CEP112: variants seen among roughly 807,000 people sequenced by gnomAD.
CEP112 encodes centrosomal protein 112.
A neutral mutation model predicts 153.0 loss-of-function variants in CEP112; 127 were observed. The observed-to-expected ratio is 0.83, with a 90% CI of 0.72 to 0.96. CEP112 has a LOEUF of 0.96. Among genes scored for constraint, CEP112 ranks in the 40% least tolerant of loss-of-function variants. The pLI, the probability that CEP112 is intolerant of heterozygous loss-of-function variation, is 0.00. For missense variants in CEP112, 1,089 were observed against 1,101.2 expected (o/e 0.99, Z 0.16); for synonymous variants, 358 against 374.4 (o/e 0.96, Z 0.51).
intron 21 of CEP112, among the ~76,000 whole-genome samples, chr17:65,839,510 A>G (rs1308090670): frequency 6.6e-6 from 1 of 152,020 alleles, no homozygotes; most frequent in African/African-American, 2.4e-5. Flanking sequence ...TATAGTAGAA[A>G]CACTTCACAA....
chr17:66,159,157 TCAAAACCCTGAATAGAC>T (rs1234496062), intron 4 of CEP112, among the ~76,000 whole-genome samples: 4 of 152,026 alleles, frequency 2.6e-5, no homozygotes, highest in African/African-American at 9.7e-5. Context: ...CAGGAAGAAG[TCAAAACCCTGAATAGAC>T]CAATAACAAG....
intron 24 of CEP112, among the ~76,000 whole-genome samples, chr17:65,660,037 G>A (rs1330909239): frequency 6.6e-6 from 1 of 152,190 alleles, no homozygotes; most frequent in African/African-American, 2.4e-5. Flanking sequence ...AGGTCATGGG[G>A]TGGGCAGGGG....
chr17:66,077,069 A>C (rs1805677520), intron 8 of CEP112, among the ~76,000 whole-genome samples: 2 of 152,200 alleles, frequency 1.3e-5, no homozygotes. Flanking sequence ...CTTCAGTCCT[A>C]GACTTTTCTC....
chr17:65,659,793 C>T (rs931257875), intron 24 of CEP112, among the ~76,000 whole-genome samples: 4 of 152,124 alleles, frequency 2.6e-5, no homozygotes, highest in African/African-American at 9.7e-5. Flanking sequence ...TTCAGAAATA[C>T]ATAACTGACA....
intron 22 of CEP112, among the ~76,000 whole-genome samples, chr17:65,747,341 G>A (rs2051534470): frequency 6.6e-6 from 1 of 152,172 alleles, no homozygotes; most frequent in Admixed American, 6.5e-5. Flanking sequence ...ATATTCCCAG[G>A]TACTAATATG....
At chr17:65,910,382 AG>A (rs1432930397) in intron 19 of CEP112, among the ~76,000 whole-genome samples, 19 of 152,216 alleles carry the variant, frequency 1.2e-4, no homozygotes, top group African/African-American at 4.3e-4. Flanking sequence ...AAGATGAGGG[AG>A]AAAAGTATCT....
At chr17:65,706,072 CAGG>C (rs1419098496) in intron 23 of CEP112, among the ~76,000 whole-genome samples, 1 of 152,180 alleles carries the variant, frequency 6.6e-6, no homozygotes, top group African/African-American at 2.4e-5. Flanking sequence ...GACAAGCACA[CAGG>C]AGTTCATAGT....
intron 17 of CEP112, among the ~76,000 whole-genome samples, chr17:65,998,448 C>T (rs1293935120): frequency 1.5e-5 from 2 of 137,420 alleles, no homozygotes; most frequent in Non-Finnish European, 3.1e-5. Flanking sequence ...TTACAAAACA[C>T]AGAACTCTGT....
At chr17:65,971,273 CAGCACATGCACATAACA>C (rs2062777707) in intron 17 of CEP112, among the ~76,000 whole-genome samples, 3 of 152,170 alleles carry the variant, frequency 2.0e-5, no homozygotes, top group Non-Finnish European at 4.4e-5. Context: ...CACACATGTA[CAGCACATGCACATAACA>C]AATATGCACG....
chr17:65,819,888 GAAC>G (rs1289372166), intron 21 of CEP112, among the ~76,000 whole-genome samples: 1 of 151,976 alleles, frequency 6.6e-6, no homozygotes, highest in Non-Finnish European at 1.5e-5. Context: ...TTGGGTCCTA[GAAC>G]AACAAGAAGG....
intron 12 of CEP112, among the ~76,000 whole-genome samples, chr17:66,039,338 A>G (rs1024619802): frequency 3.3e-5 from 5 of 152,166 alleles, no homozygotes; most frequent in Non-Finnish European, 7.4e-5. Flanking sequence ...AAAATTAAAA[A>G]GGGTTAGTAT....
At chr17:66,095,270 T>A (rs987697458) in intron 8 of CEP112, among the ~76,000 whole-genome samples, 106 of 151,792 alleles carry the variant, frequency 7.0e-4, no homozygotes, top group African/African-American at 2.5e-3. Context: ...ATGAAAAAAA[T>A]GTGATATATA....
rs1044372101 is a variant in CEP112 at position 66,099,745 on chromosome 17, T to C, written c.643-3113A>G. Among the ~76,000 whole-genome samples the C allele has an allele frequency of 3.3e-5, 5 of 152,182 alleles. No individual in the cohort carries two copies. The East Asian group carries it at 7.7e-4, about 24-fold the overall frequency. On this transcript the variant is annotated intron_variant, in intron 6 of 26. Coordinates refer to ENST00000535342, the MANE Select transcript of CEP112 (RefSeq NM_001199165.4). Reference sequence around the variant, plus strand: ...ATCCAATATCCACAAAAACTTACTATATAAAATAGAAGACCAAAATCAAAA... The same window carrying C: ...ATCCAATATCCACAAAAACTTACTACATAAAATAGAAGACCAAAATCAAAA...
chr17:66,140,054 T>C (rs1335925237), intron 4 of CEP112, among the ~76,000 whole-genome samples: 1 of 152,134 alleles, frequency 6.6e-6, no homozygotes, highest in Non-Finnish European at 1.5e-5. Context: ...CTGAATTCCA[T>C]GGCACATTAA....
At chr17:65,826,538 G>A in intron 21 of CEP112, 5 of 1,343,974 alleles carry the variant, frequency 3.7e-6, no homozygotes, top group Non-Finnish European at 3.8e-6. Context: ...CCTGATGTCA[G>A]CTAATGTGAT....
intron 21 of CEP112, among the ~76,000 whole-genome samples, chr17:65,776,232 G>A (rs540860098): frequency 1.2e-4 from 18 of 150,946 alleles, no homozygotes; most frequent in Non-Finnish European, 2.4e-4. Context: ...ATAGCTGCCC[G>A]CCCCCATCCC....
In CEP112 at chr17:65,747,996, A is replaced by G. The variant is rs1174374983; in HGVS notation, c.2457+2666T>C. On this transcript the variant is annotated intron_variant, in intron 22 of 26. Transcript: ENST00000535342. ...CAACAGAGTTAAGCACTTTGCTTTTAGTGTTCTCATCAGCCTAATGAGATA... is the reference window on the plus strand; with the variant it reads ...CAACAGAGTTAAGCACTTTGCTTTTGGTGTTCTCATCAGCCTAATGAGATA... Among the ~76,000 whole-genome samples the G allele has an allele frequency of 2.6e-5, 4 of 152,294 alleles. No homozygotes were observed. The South Asian group carries it at 8.3e-4, about 32-fold the overall frequency.
chr17:65,951,477 C>T (rs1372416931), intron 18 of CEP112, among the ~76,000 whole-genome samples: 1 of 151,822 alleles, frequency 6.6e-6, no homozygotes, highest in Non-Finnish European at 1.5e-5. Context: ...GAAATTTGTC[C>T]ATTTATCTAT....
intron 26 of CEP112, chr17:65,636,881 G>A: frequency 2.3e-6 from 1 of 441,764 alleles, no homozygotes; most frequent in Non-Finnish European, 4.0e-6. Context: ...CAAAGTGCTG[G>A]GATTACAGGA....
Sources: allele counts gnomAD v4.1 joint callset (sites outside exome capture counted in the v4.1 genomes callset), GRCh38; gene constraint gnomAD v4.1.1; transcripts MANE v1.5; gene names NCBI Gene and HGNC (gene_info 2026-07-23, HGNC 2026-07-21).